The following AFG1L variants were observed in gnomAD, a reference collection of about 807,000 sequenced individuals.
AFG1L encodes the protein AFG1 like ATPase.
A neutral mutation model predicts 62.2 loss-of-function variants in AFG1L; 53 were observed. The ratio of observed to expected loss-of-function variants is 0.85; its 90% CI spans 0.68 to 1.07. The LOEUF (loss-of-function observed/expected upper bound fraction) is 1.07, where lower values mean the gene tolerates loss of function less well. AFG1L is among the 50% of genes least tolerant of loss of function. The pLI, the probability that AFG1L is intolerant of heterozygous loss-of-function variation, is 0.00. For missense variants in AFG1L, 555 were observed against 590.5 expected (o/e 0.94, Z 0.62); for synonymous variants, 228 against 210.3 (o/e 1.08, Z -0.73).
At chr6:108,514,244 C>T (rs937938270) in intron 11 of AFG1L, among the ~76,000 whole-genome samples, 17 of 152,050 alleles carry the variant, frequency 1.1e-4, no homozygotes, top group East Asian at 1.9e-4. Context: ...TCGCTAGCAA[C>T]GGAACAAAGA....
intron 7 of AFG1L, among the ~76,000 whole-genome samples, chr6:108,413,049 C>T (rs913870920): frequency 6.6e-6 from 1 of 151,028 alleles, no homozygotes; most frequent in African/African-American, 2.4e-5. Context: ...CACATGGGCT[C>T]AAAATAAAAG....
intron 8 of AFG1L, among the ~76,000 whole-genome samples, chr6:108,472,809 TC>T (rs1332076239): frequency 1.4e-5 from 2 of 147,244 alleles, no homozygotes; most frequent in East Asian, 4.0e-4. Flanking sequence ...TCTTTTCTTT[TC>T]TTTTTTTTTT....
intron 10 of AFG1L, among the ~76,000 whole-genome samples, chr6:108,497,838 G>C (rs9486895): frequency 6.6e-6 from 1 of 152,154 alleles, no homozygotes; most frequent in East Asian, 1.9e-4. Flanking sequence ...AATCTCTGTA[G>C]CAAGTATAGT....
intron 10 of AFG1L, among the ~76,000 whole-genome samples, chr6:108,500,211 T>TGTAC (rs1554204021): frequency 1.3e-5 from 2 of 150,226 alleles, no homozygotes; most frequent in South Asian, 4.2e-4. Context: ...TGTGTGTGTG[T>TGTAC]ACATATACGT....
chr6:108,317,728 G>A (rs1410482811), intron 1 of AFG1L, among the ~76,000 whole-genome samples: 2 of 152,070 alleles, frequency 1.3e-5, no homozygotes, highest in Non-Finnish European at 2.9e-5. Flanking sequence ...GCCTAAGGGA[G>A]GGAGCAATAA....
intron 5 of AFG1L, among the ~76,000 whole-genome samples, chr6:108,357,770 T>C (rs1195021358): frequency 1.3e-5 from 2 of 152,216 alleles, no homozygotes; most frequent in Admixed American, 6.5e-5. Flanking sequence ...AGTTATTTCC[T>C]GTTCTTCTGT....
intron 8 of AFG1L, among the ~76,000 whole-genome samples, chr6:108,450,861 T>G (rs1772024807): frequency 6.6e-6 from 1 of 152,050 alleles, no homozygotes; most frequent in South Asian, 2.1e-4. Flanking sequence ...TAGGGAATCC[T>G]TTCCCCATTT....
At chr6:108,455,701 G>T (rs1772228292) in intron 8 of AFG1L, among the ~76,000 whole-genome samples, 1 of 151,862 alleles carries the variant, frequency 6.6e-6, no homozygotes, top group Admixed American at 6.6e-5. Flanking sequence ...TGGCCCATGG[G>T]TTATTAAAAG....
chr6:108,315,177 C>A (rs1777546485), intron 1 of AFG1L, among the ~76,000 whole-genome samples: 1 of 152,174 alleles, frequency 6.6e-6, no homozygotes, highest in Non-Finnish European at 1.5e-5. Flanking sequence ...CTGTGCTGGG[C>A]CTCTTATTGT....
At chr6:108,512,540 C>T (rs1476032739) in intron 11 of AFG1L, among the ~76,000 whole-genome samples, 1 of 151,978 alleles carries the variant, frequency 6.6e-6, no homozygotes. Context: ...GCTGTTTTTA[C>T]AGGACTAGGC....
At chr6:108,300,918 C>G (rs1409584335) in intron 1 of AFG1L, among the ~76,000 whole-genome samples, 20 of 152,106 alleles carry the variant, frequency 1.3e-4, no homozygotes, top group Admixed American at 1.3e-3. Flanking sequence ...GTGATCCGCC[C>G]GACTTGACCT....
intron 10 of AFG1L, among the ~76,000 whole-genome samples, chr6:108,503,963 C>T (rs1774299153): frequency 6.6e-6 from 1 of 152,262 alleles, no homozygotes; most frequent in East Asian, 1.9e-4. Context: ...TCTGCAGCTT[C>T]CTCACCTCTT....
chr6:108,519,963 C>T, intron 12 of AFG1L, 153 bp downstream of exon 12: 1 of 493,972 alleles, frequency 2.0e-6, no homozygotes, highest in Non-Finnish European at 3.6e-6. Context: ...TTATCATTCT[C>T]AATATCACTG....
intron 8 of AFG1L, among the ~76,000 whole-genome samples, chr6:108,473,594 G>T (rs1772988731): frequency 6.6e-6 from 1 of 152,054 alleles, no homozygotes; most frequent in Non-Finnish European, 1.5e-5. Flanking sequence ...TTTTGCTCTT[G>T]TTGCCCAAGC....
At chr6:108,306,129 C>T (rs1777189140) in intron 1 of AFG1L, among the ~76,000 whole-genome samples, 1 of 152,148 alleles carries the variant, frequency 6.6e-6, no homozygotes, top group African/African-American at 2.4e-5. Flanking sequence ...GCCTTGAACT[C>T]CTGACTTCAG....
intron 5 of AFG1L, 63 bp from the exon 6 acceptor site, chr6:108,366,170 C>A: frequency 1.1e-6 from 1 of 905,420 alleles, no homozygotes; most frequent in Non-Finnish European, 1.7e-6. Flanking sequence ...AAAGATGATC[C>A]ACTAGCAAAT....
chr6:108,335,605 C>A (rs1012315798), intron 2 of AFG1L, among the ~76,000 whole-genome samples: 9 of 152,244 alleles, frequency 5.9e-5, no homozygotes. Context: ...ATATTTTCCA[C>A]CTCTTTCTTT....
intron 7 of AFG1L, among the ~76,000 whole-genome samples, chr6:108,413,484 A>C (rs1381114557): frequency 2.0e-5 from 3 of 152,158 alleles, no homozygotes; most frequent in Non-Finnish European, 4.4e-5. Context: ...GCACCACATC[A>C]CACTTATTCC....
At chr6:108,393,933 G>T (rs1781174702) in intron 6 of AFG1L, among the ~76,000 whole-genome samples, 1 of 151,912 alleles carries the variant, frequency 6.6e-6, no homozygotes, top group African/African-American at 2.4e-5. Context: ...TGAGACCATT[G>T]CCACAACTAA....
Sources: gnomAD v4.1 joint callset for allele counts (sites outside exome capture counted in the v4.1 genomes callset) on GRCh38, gnomAD v4.1.1 for gene constraint, MANE v1.5 for transcripts, NCBI Gene and HGNC (gene_info 2026-07-23, HGNC 2026-07-21) for gene names.